The following FXN variants were observed in gnomAD, a reference collection of about 807,000 sequenced individuals.
FXN encodes the protein frataxin.
In FXN, 14 loss-of-function variants were observed where a neutral mutation model predicts 22.4. That is an observed-to-expected ratio of 0.62 (90% CI 0.41 to 0.98). FXN has a LOEUF of 0.98. Among genes scored for constraint, FXN ranks in the 50% least tolerant of loss-of-function variants. FXN has a pLI of 0.00. For synonymous variants in FXN, 120 were observed against 114.1 expected (o/e 1.05, Z -0.33); for missense variants, 267 against 268.4 (o/e 0.99, Z 0.04).
At chr9:69,053,540 G>A (rs1385935562) in intron 3 of FXN, among the ~76,000 whole-genome samples, 1 of 150,672 alleles carries the variant, frequency 6.6e-6, no homozygotes, top group African/African-American at 2.4e-5. Context: ...TAGATAGCTG[G>A]ATAGATAGAT....
In FXN at chr9:69,075,625, G is replaced by T; in HGVS notation, c.*2863G>T. On this transcript the variant is annotated 3_prime_UTR_variant, in exon 5 of 5. Coordinates refer to ENST00000484259, the MANE Select transcript of FXN (RefSeq NM_000144.5). ...ATCGCCTCATTTATGGTGTGGTCCA[G>T]TCATCCATGTGAAGGATGAGTTTCC... 1 of 985,332 alleles carries T rather than the reference G, an allele frequency of 1.0e-6. No homozygotes were observed. The highest frequency in any genetic ancestry group is 1.2e-6 in the Non-Finnish European group (1 of 829,842). The allele number at this position is 985,332 out of a possible 1,614,324, so 61.0% of individuals were successfully genotyped here. A position where few individuals can be genotyped will look rare whatever the true frequency, so the allele number is the denominator to read the frequency against.
chr9:69,067,007 C>G (rs922572405), intron 4 of FXN, among the ~76,000 whole-genome samples: 14 of 152,188 alleles, frequency 9.2e-5, no homozygotes, highest in Non-Finnish European at 1.6e-4. Context: ...GCGCCGTTTC[C>G]GGCAGATCCA....
rs1191900060 is a variant in FXN at position 69,072,763 on chromosome 9, T to G, written c.*1T>G. ...GGCCTATTCCGGAAAAGATGCTTGA[T>G]GCCCAGCCCCGTTTTAAGGACATTA... On this transcript the variant is annotated 3_prime_UTR_variant, in exon 5 of 5. Coordinates refer to ENST00000484259, the MANE Select transcript of FXN (RefSeq NM_000144.5). 6.2e-7 allele frequency: 1 copy of G among 1,614,094 alleles called. No individual in the cohort carries two copies. Among genetic ancestry groups the G allele is most frequent in the African/African-American group, 1.3e-5 (1 of 74,936 alleles).
rs1209205640 is a variant in FXN at position 69,073,423 on chromosome 9, A to G, written c.*661A>G. The G allele has an allele frequency of 8.1e-6, 8 of 985,244 alleles. No homozygotes were observed. The highest frequency in any genetic ancestry group is 1.1e-4 in the East Asian group (1 of 8,826). The allele number at this position is 985,244 out of a possible 1,614,324, so 61.0% of individuals were successfully genotyped here. On this transcript the variant is annotated 3_prime_UTR_variant, in exon 5 of 5. Transcript: ENST00000484259. ...GTCTGTGTGTATATATATTTTTTCA[A>G]TTTAAAGGTTAGTATGGAATCAGCT...
At chr9:69,037,415 A>AGGC (rs1831583825) in intron 1 of FXN, among the ~76,000 whole-genome samples, 1 of 152,038 alleles carries the variant, frequency 6.6e-6, no homozygotes, top group Non-Finnish European at 1.5e-5. Context: ...GCATTAAGCC[A>AGGC]AGATCGCCCA....
In FXN at chr9:69,072,477, A is replaced by C. The variant is rs901457887; in HGVS notation, c.483-135A>C. The C allele has an allele frequency of 1.3e-5, 18 of 1,430,766 alleles. No individual in the cohort carries two copies. The Admixed American group carries it at 2.7e-4, about 22-fold the overall frequency. 88.6% of individuals were successfully genotyped at this position (1,430,766 alleles called of 1,614,324 possible). ...CTTAGATGCTAAGATAAGAAGGCAG[A>C]TATACACTAGCTCATTTTGTGTTAT... On this transcript the variant is annotated intron_variant, in intron 4 of 4. Coordinates refer to ENST00000484259, the MANE Select transcript of FXN (RefSeq NM_000144.5).
At chr9:69,066,869 A>AAAAT (rs57287223) in intron 4 of FXN, among the ~76,000 whole-genome samples, 64 of 144,882 alleles carry the variant, frequency 4.4e-4, no homozygotes, top group African/African-American at 1.3e-3. Flanking sequence ...AAAAAAAAAA[A>AAAAT]ATATATATAT....
intron 4 of FXN, among the ~76,000 whole-genome samples, chr9:69,065,540 CAAA>C (rs34769489): frequency 7.1e-6 from 1 of 140,744 alleles, no homozygotes; most frequent in Non-Finnish European, 1.5e-5. Context: ...GACCCTGTCC[CAAA>C]AAAAAAAAAA....
intron 3 of FXN, among the ~76,000 whole-genome samples, chr9:69,064,335 G>A (rs1253093894): frequency 6.6e-6 from 1 of 152,196 alleles, no homozygotes; most frequent in Non-Finnish European, 1.5e-5. Flanking sequence ...AGCCTTGGAG[G>A]AGTATCTGAG....
chr9:69,036,746 C>G (rs1478775631), intron 1 of FXN, among the ~76,000 whole-genome samples: 2 of 152,096 alleles, frequency 1.3e-5, no homozygotes, highest in Admixed American at 6.6e-5. Flanking sequence ...TTGGGGGGTA[C>G]AAAGAAATAT....
At chr9:69,053,471 A>ATGGATGGATGGATGGATG (rs1587822034) in intron 3 of FXN, among the ~76,000 whole-genome samples, 7 of 140,266 alleles carry the variant, frequency 5.0e-5, no homozygotes, top group African/African-American at 2.0e-4. Flanking sequence ...ACTCTGTCAT[A>ATGGATGGATGGATGGATG]GATGGATGGA....
intron 4 of FXN, among the ~76,000 whole-genome samples, chr9:69,071,948 C>T (rs1832284309): frequency 6.6e-6 from 1 of 152,150 alleles, no homozygotes; most frequent in African/African-American, 2.4e-5. Context: ...TATAAGTAAT[C>T]TGGAGATGAC....
Position 69,065,077 on chromosome 9 carries a change from A to G in FXN, c.482+42A>G, listed in dbSNP as rs59415831. Reference sequence around the variant, plus strand: ...AGAAGTCAACATATGTAATTCTTAAAGACTTCCGAAATGTGACATTGTGGA... The same window carrying G: ...AGAAGTCAACATATGTAATTCTTAAGGACTTCCGAAATGTGACATTGTGGA... On this transcript the variant is annotated intron_variant, in intron 4 of 4. Transcript: ENST00000484259. 2,779 of 1,451,274 alleles carry G rather than the reference A, an allele frequency of 1.9e-3. 36 individuals carry two copies. The African/African-American group carries it at 0.031, about 16-fold the overall frequency. 89.9% of individuals were successfully genotyped at this position (1,451,274 alleles called of 1,614,324 possible).
Position 69,073,758 on chromosome 9 carries a change from C to T in FXN, c.*996C>T, listed in dbSNP as rs1832316445. 1.0e-6 allele frequency: 1 copy of T among 985,288 alleles called. No individual in the cohort carries two copies. Among genetic ancestry groups the T allele is most frequent in the Non-Finnish European group, 1.2e-6 (1 of 829,944 alleles). The allele number at this position is 985,288 out of a possible 1,614,324, so 61.0% of individuals were successfully genotyped here. A position where few individuals can be genotyped will look rare whatever the true frequency, so the allele number is the denominator to read the frequency against. ...CCCAGCATTCAGTGGTCCTGTCAAG[C>T]AACCTAACAGGCTAGTTCTAATTCC... On this transcript the variant is annotated 3_prime_UTR_variant, in exon 5 of 5. Coordinates refer to ENST00000484259, the MANE Select transcript of FXN (RefSeq NM_000144.5).
intron 2 of FXN, among the ~76,000 whole-genome samples, chr9:69,047,907 G>A (rs1004542673): frequency 2.0e-5 from 3 of 152,130 alleles, no homozygotes; most frequent in Admixed American, 1.3e-4. Flanking sequence ...TAGTAAAGAC[G>A]GGGTTTCACC....
At chr9:69,038,406 T>A (rs1831600248) in intron 1 of FXN, among the ~76,000 whole-genome samples, 7 of 152,164 alleles carry the variant, frequency 4.6e-5, no homozygotes, top group Admixed American at 4.6e-4. Flanking sequence ...AGAAACAGAA[T>A]GGGAGCCACA....
chr9:69,052,946 C>T (rs1831880314), intron 2 of FXN, among the ~76,000 whole-genome samples, 194 bp from the exon 3 acceptor site: 2 of 145,618 alleles, frequency 1.4e-5, no homozygotes, highest in African/African-American at 5.1e-5. Flanking sequence ...GAGTTCAGAC[C>T]AGCCACTGCA....
At chr9:69,036,496 A>G (rs745900347) in intron 1 of FXN, among the ~76,000 whole-genome samples, 1 of 152,220 alleles carries the variant, frequency 6.6e-6, no homozygotes, top group African/African-American at 2.4e-5. Context: ...GAGCTGCAGA[A>G]TAGCTAGAGC....
At position 69,054,839 on chromosome 9, in the gene FXN, G is replaced by A. The variant is rs73445260; in HGVS notation, c.384+1579G>A. 2.7e-3 allele frequency among the ~76,000 whole-genome samples: 411 copies of A among 152,276 alleles called. 4 individuals are homozygous for A. Among genetic ancestry groups the A allele is most frequent in the African/African-American group, 9.4e-3 (391 of 41,554 alleles). On this transcript the variant is annotated intron_variant, in intron 3 of 4. Transcript: ENST00000484259. ...GATGTTAATCCTCTTGATGGCAATT[G>A]ACTAATACCAGAAAATGTCACGAAG... is the stretch of plus-strand genomic sequence containing the variant.
Sources: allele counts gnomAD v4.1 joint callset (sites outside exome capture counted in the v4.1 genomes callset), GRCh38; gene constraint gnomAD v4.1.1; transcripts MANE v1.5; gene names NCBI Gene and HGNC (gene_info 2026-07-23, HGNC 2026-07-21).